Variants in CRAMP1 observed in about 807,000 individuals in gnomAD.
CRAMP1 encodes the protein protein cramped-like.
CRAMP1 carries 50 observed loss-of-function variants against 115.4 expected under a neutral mutation model. That is an observed-to-expected ratio of 0.43 (90% confidence interval 0.35 to 0.55). The LOEUF is 0.55. Among genes scored for constraint, CRAMP1 ranks in the 20% least tolerant of loss-of-function variants. The pLI, the probability that CRAMP1 is intolerant of heterozygous loss-of-function variation, is 0.01. For missense variants in CRAMP1, 1,679 were observed against 1,721.7 expected, an observed-to-expected ratio of 0.98 and a Z score of 0.44; for synonymous variants, 866 against 745.4, an observed-to-expected ratio of 1.16 and a Z score of -2.64.
intron 3 of CRAMP1, among the ~76,000 whole-genome samples, chr16:1,629,434 G>C (rs2036531544): frequency 1.3e-5 from 2 of 152,192 alleles, no homozygotes; most frequent in Non-Finnish European, 2.9e-5. Context: ...TGTATATCTG[G>C]TTCTTGACTC....
At position 1,668,189 on chromosome 16, in the gene CRAMP1, G is replaced by A; in HGVS notation, c.3330G>A (p.Gln1110=). 13 of 1,612,042 alleles carry A rather than the reference G, an allele frequency of 8.1e-6. No homozygotes were observed. The highest frequency in any genetic ancestry group is 9.3e-6 in the Non-Finnish European group (11 of 1,178,540). ...SIIEIAISSG[Q]YGEGVPLSPA... Reference sequence around the variant, plus strand: ...TTGAGATCGCCATCAGCTCCGGTCAGTACGGTAAGGGCAGGGCGGCCTCAC... The same window carrying A: ...TTGAGATCGCCATCAGCTCCGGTCAATACGGTAAGGGCAGGGCGGCCTCAC... The change falls in exon 18 of 21, where the codon CAG becomes CAA. Residue 1110 remains glutamine (Q), a synonymous_variant. Transcript: ENST00000397412.
chr16:1,621,256 G>A (rs890611881), intron 2 of CRAMP1, among the ~76,000 whole-genome samples: 3 of 152,226 alleles, frequency 2.0e-5, no homozygotes, highest in Non-Finnish European at 4.4e-5. Context: ...GTGTTGCAAA[G>A]AATAGGTGGT....
chr16:1,626,177 T>TGTGGAGGCACG lies in CRAMP1; in HGVS notation c.540+13_540+23dup, dbSNP rs1377368632. The TGTGGAGGCACG allele has an allele frequency of 6.8e-7, 1 of 1,475,286 alleles. No individual in the cohort carries two copies. The highest frequency in any genetic ancestry group is 1.4e-5 in the African/African-American group (1 of 70,546). The allele number at this position is 1,475,286 out of a possible 1,614,324, so 91.4% of individuals were successfully genotyped here. ...GAGGGGCTGTACGAGGTGAGTAGGC[T>TGTGGAGGCACG]GTGGAGGCACGGCCAGGCAGCCTGG... On this transcript the variant is annotated intron_variant, in intron 3 of 20. Transcript: ENST00000397412.
At chr16:1,644,902 A>G (rs1376724682) in intron 6 of CRAMP1, among the ~76,000 whole-genome samples, 1 of 150,420 alleles carries the variant, frequency 6.6e-6, no homozygotes, top group Admixed American at 6.6e-5. Context: ...GGGTTTCGCC[A>G]TGTTGCCCAG....
intron 4 of CRAMP1, 116 bp downstream of exon 4, chr16:1,632,481 C>T: frequency 9.2e-7 from 1 of 1,092,296 alleles, no homozygotes; most frequent in South Asian, 1.6e-5. Flanking sequence ...TCACCAGCCG[C>T]TTGGCCTGGG....
chr16:1,632,178 C>A, intron 3 of CRAMP1, 34 bp from the exon 4 acceptor site: 2 of 1,544,656 alleles, frequency 1.3e-6, no homozygotes, highest in Non-Finnish European at 1.8e-6. Context: ...ATTGTTTTAA[C>A]CCCTCTACAT....
At position 1,674,476 on chromosome 16, in the gene CRAMP1, C is replaced by T. The variant is rs139978827; in HGVS notation, c.*431C>T. On this transcript the variant is annotated 3_prime_UTR_variant, in exon 21 of 21. Transcript: ENST00000397412. ...GGGAGGCCCCAGCCCCTGCTGCTTG[C>T]TTTCTGCCAAACCTGTGCTATGCAT... The T allele has an allele frequency of 3.6e-5, 7 of 195,996 alleles. No individual in the cohort carries two copies. The highest frequency in any genetic ancestry group is 7.0e-5 in the African/African-American group (3 of 42,818). 12.1% of individuals were successfully genotyped at this position (195,996 alleles called of 1,614,324 possible).
At chr16:1,650,315 G>A (rs1049771298) in intron 6 of CRAMP1, among the ~76,000 whole-genome samples, 5 of 152,202 alleles carry the variant, frequency 3.3e-5, no homozygotes, top group African/African-American at 1.2e-4. Flanking sequence ...CCTCAGCAGA[G>A]GCTGCTTTTC....
At chr16:1,627,922 C>T (rs909636020) in intron 3 of CRAMP1, among the ~76,000 whole-genome samples, 2 of 152,078 alleles carry the variant, frequency 1.3e-5, no homozygotes, top group Admixed American at 6.5e-5. Flanking sequence ...GTGGTGTGGC[C>T]CTTCCTCCTT....
At chr16:1,651,686 A>G (rs575273804) in intron 6 of CRAMP1, among the ~76,000 whole-genome samples, 1 of 150,406 alleles carries the variant, frequency 6.6e-6, no homozygotes, top group South Asian at 2.1e-4. Context: ...CTGAGAGGTC[A>G]CGGAGAGGTG....
At position 1,674,311 on chromosome 16, in the gene CRAMP1, G is replaced by C; in HGVS notation, c.*266G>C. On this transcript the variant is annotated 3_prime_UTR_variant, in exon 21 of 21. Transcript: ENST00000397412. ...CACGCCTGGGCCCATGTTAGGGTCTGCATAATGATCCCATTTCAGCCTGTG... is the reference window on the plus strand; with the variant it reads ...CACGCCTGGGCCCATGTTAGGGTCTCCATAATGATCCCATTTCAGCCTGTG... 2 of 489,760 alleles carry C rather than the reference G, an allele frequency of 4.1e-6. No homozygotes were observed. The highest frequency in any genetic ancestry group is 5.2e-5 in the South Asian group (2 of 38,174). The allele number at this position is 489,760 out of a possible 1,614,324, so 30.3% of individuals were successfully genotyped here.
At chr16:1,636,781 C>T (rs1381681587) in intron 4 of CRAMP1, among the ~76,000 whole-genome samples, 4 of 152,238 alleles carry the variant, frequency 2.6e-5, no homozygotes, top group East Asian at 1.9e-4. Flanking sequence ...TAGAGGCTGG[C>T]GCCCAGGGCA....
chr16:1,628,693 CCTCTG>C, intron 3 of CRAMP1, among the ~76,000 whole-genome samples: 1 of 152,356 alleles, frequency 6.6e-6, no homozygotes, highest in Non-Finnish European at 1.5e-5. Flanking sequence ...TGGGCACAGG[CCTCTG>C]CTCTGAGAAG....
At chr16:1,655,087 C>T (rs933710051) in intron 8 of CRAMP1, 132 bp from the exon 9 acceptor site, 4 of 722,226 alleles carry the variant, frequency 5.5e-6, no homozygotes, top group African/African-American at 1.8e-5. Context: ...TGCAGACGCC[C>T]GCTCCCGGGT....
chr16:1,659,588 C>T (rs551314029), intron 10 of CRAMP1, among the ~76,000 whole-genome samples: 37 of 152,050 alleles, frequency 2.4e-4, no homozygotes, highest in Non-Finnish European at 5.1e-4. Context: ...AGCGTTTCAC[C>T]GTGTTAGCCA....
chr16:1,614,806 C>T lies in CRAMP1; in HGVS notation c.167C>T (p.Ala56Val), dbSNP rs770853672. The T allele has an allele frequency of 1.6e-6, 2 of 1,281,112 alleles. No individual in the cohort carries two copies. Among genetic ancestry groups the T allele is most frequent in the Non-Finnish European group, 2.0e-6 (2 of 1,016,366 alleles). The allele number at this position is 1,281,112 out of a possible 1,614,324, so 79.4% of individuals were successfully genotyped here. Reference sequence around the variant, plus strand: ...GACGAGAAGACCCCCCGGGCCGGCGCCGACGGCCCCCCCGCGCCCCCCGGC... The same window carrying T: ...GACGAGAAGACCCCCCGGGCCGGCGTCGACGGCCCCCCCGCGCCCCCCGGC... ...KRDEKTPRAG[A>V]DGPPAPPGAP... The change falls in exon 2 of 21, where the codon GCC becomes GTC. Residue 56 changes from alanine to valine, a missense_variant. By Grantham distance (64) the Ala-to-Val change is moderately conservative (BLOSUM62 0). Around this residue, in one of 8 missense-constraint regions of CRAMP1, gnomAD observed 264 missense variants for 229.7 expected, o/e 1.15. Transcript: ENST00000397412. The surrounding 1 kb of genome is among the most constrained non-coding windows in gnomAD (Gnocchi z 4.4).
chr16:1,621,560 A>G (rs979308178), intron 2 of CRAMP1, among the ~76,000 whole-genome samples: 2 of 152,190 alleles, frequency 1.3e-5, no homozygotes, highest in South Asian at 2.1e-4. Context: ...CCTGGGTCCC[A>G]GCAGCCTGGG....
chr16:1,653,422 C>A (rs979795183), intron 8 of CRAMP1, among the ~76,000 whole-genome samples: 1 of 152,190 alleles, frequency 6.6e-6, no homozygotes, highest in Non-Finnish European at 1.5e-5. Flanking sequence ...GCCTTCCTTT[C>A]GTCCCCCACT....
rs1340665313 is a variant in CRAMP1 at position 1,666,532 on chromosome 16, A to T, written c.2968A>T (p.Thr990Ser). 1 of 1,613,856 alleles carries T rather than the reference A, an allele frequency of 6.2e-7. No individual in the cohort carries two copies. The highest frequency in any genetic ancestry group is 1.7e-5 in the Admixed American group (1 of 60,016). Reference sequence around the variant, plus strand: ...CTCTCCACTGTCTTCAGACGAGGTGACGGGTGCCATCTCGGGGCAGGACTC... The same window carrying T: ...CTCTCCACTGTCTTCAGACGAGGTGTCGGGTGCCATCTCGGGGCAGGACTC... ...GISPLSSDEV[T>S]GAISGQDSTG... The change falls in exon 16 of 21, where the codon ACG becomes TCG. Residue 990 changes from threonine (T) to serine (S), a missense_variant. By Grantham distance (58) the Thr-to-Ser change is moderately conservative (BLOSUM62 1). Transcript: ENST00000397412. This position sits in a 1 kb window ranked among gnomAD's most constrained non-coding sequence, Gnocchi z 5.0.
Sources: gnomAD v4.1 joint callset for allele counts (sites outside exome capture counted in the v4.1 genomes callset) on GRCh38, gnomAD v4.1.1 for gene constraint, gnomAD v4.1.1 regional missense constraint, Gnocchi (gnomAD v3.1) non-coding constraint, MANE v1.5 for transcripts, NCBI Gene and HGNC (gene_info 2026-07-23, HGNC 2026-07-21) for gene names.